Variants in ZKSCAN8 observed in about 807,000 individuals in gnomAD.
The protein encoded by ZKSCAN8 is zinc finger protein with KRAB and SCAN domains 8.
Under a neutral mutation model 57.2 loss-of-function variants are expected in ZKSCAN8, and 27 were observed. That is an observed-to-expected ratio of 0.47 (90% confidence interval 0.35 to 0.65). ZKSCAN8 has a LOEUF of 0.65. ZKSCAN8 is among the 30% of genes least tolerant of loss of function. ZKSCAN8 has a pLI of 0.01. For synonymous variants in ZKSCAN8, 214 were observed against 248.7 expected (o/e 0.86, Z 1.31); for missense variants, 597 against 696.3 (o/e 0.86, Z 1.60).
At chr6:28,150,852 G>C (rs1765568204) in intron 3 of ZKSCAN8, among the ~76,000 whole-genome samples, 1 of 152,010 alleles carries the variant, frequency 6.6e-6, no homozygotes, top group African/African-American at 2.4e-5. Context: ...TGTCATCCAG[G>C]CTGGAGTACA....
intron 1 of ZKSCAN8, among the ~76,000 whole-genome samples, chr6:28,147,831 G>C (rs1273705648): frequency 6.6e-6 from 1 of 152,186 alleles, no homozygotes; most frequent in Non-Finnish European, 1.5e-5. Flanking sequence ...GGAATGTTAG[G>C]TGGAGAAGAG....
In ZKSCAN8 at chr6:28,154,136, T is replaced by C. The variant is rs958768731; in HGVS notation, c.*119T>C. 4 of 1,422,090 alleles carry C rather than the reference T, an allele frequency of 2.8e-6. No individual in the cohort carries two copies. Among genetic ancestry groups the C allele is most frequent in the Admixed American group, 2.4e-5 (1 of 42,548 alleles). The allele number at this position is 1,422,090 out of a possible 1,614,324, so 88.1% of individuals were successfully genotyped here. ...ATCACAACTTTAGTGTCAGAATCTA[T>C]AGTGGTGGCAAAGTTAGGATAGCTC... On this transcript the variant is annotated 3_prime_UTR_variant, in exon 6 of 6. Coordinates refer to ENST00000330236, the MANE Select transcript of ZKSCAN8 (RefSeq NM_006298.4).
chr6:28,152,106 A>T (rs1039497589), intron 4 of ZKSCAN8, among the ~76,000 whole-genome samples, 155 bp from the exon 5 acceptor site: 4 of 152,230 alleles, frequency 2.6e-5, no homozygotes, highest in African/African-American at 9.6e-5. Flanking sequence ...AGTAAATCTC[A>T]TGCATTTTCC....
Position 28,149,518 on chromosome 6 carries a change from G to A in ZKSCAN8, c.453G>A (p.Trp151Ter), listed in dbSNP as rs1329535445. 2 of 1,613,974 alleles carry A rather than the reference G, an allele frequency of 1.2e-6. No homozygotes were observed. Among genetic ancestry groups the A allele is most frequent in the African/African-American group, 2.7e-5 (2 of 74,882 alleles). Residue 151 changes from tryptophan to a stop codon, truncating the protein, a stop_gained, in exon 3 of 6, where the codon TGG becomes TGA. Coordinates refer to ENST00000330236, the MANE Select transcript of ZKSCAN8 (RefSeq NM_006298.4). LOFTEE classifies it high-confidence loss of function. ...SARVHGHRVLWEEVVHSASAP... is the reference protein window; with the variant it reads ...SARVHGHRVL Reference sequence around the variant, plus strand: ...GCGTACATGGACATAGGGTACTCTGGGAGGAGGTAGTACATTCAGCATCTG... The same window carrying A: ...GCGTACATGGACATAGGGTACTCTGAGAGGAGGTAGTACATTCAGCATCTG...
chr6:28,142,204 C>T (rs1437163170), intron 1 of ZKSCAN8, 175 bp downstream of exon 1: 1 of 152,202 alleles, frequency 6.6e-6, no homozygotes, highest in Non-Finnish European at 1.5e-5. Flanking sequence ...CACGAATTGC[C>T]CTTGAACTTT....
intron 3 of ZKSCAN8, among the ~76,000 whole-genome samples, chr6:28,150,435 A>G (rs1468990468): frequency 2.0e-5 from 3 of 152,104 alleles, no homozygotes; most frequent in African/African-American, 7.2e-5. Context: ...AATTTGTCCT[A>G]TTATTGGTGG....
At chr6:28,150,781 TA>T (rs1459692527) in intron 3 of ZKSCAN8, among the ~76,000 whole-genome samples, 3 of 152,178 alleles carry the variant, frequency 2.0e-5, no homozygotes, top group Admixed American at 2.0e-4. Flanking sequence ...ATTTATTCCA[TA>T]AATATTCTGT....
At position 28,149,696 on chromosome 6, in the gene ZKSCAN8, G is replaced by A. The variant is rs935586220; in HGVS notation, c.559+72G>A. On this transcript the variant is annotated intron_variant, in intron 3 of 5. Coordinates refer to ENST00000330236, the MANE Select transcript of ZKSCAN8 (RefSeq NM_006298.4). ...AAAGTCCATTTGGGATACCTATCTA[G>A]TTCCTGAAGAACCAGGAACTAAAAT... The A allele has an allele frequency of 4.5e-5, 70 of 1,555,592 alleles. No individual in the cohort carries two copies. In the African/African-American group the frequency reaches 9.1e-4, roughly 20 times the overall value.
At position 28,153,164 on chromosome 6, in the gene ZKSCAN8, G is replaced by A. The variant is rs1448923230; in HGVS notation, c.884G>A (p.Arg295Lys). Residue 295 changes from arginine to lysine, a missense_variant, in exon 6 of 6, where the codon AGG becomes AAG. By Grantham distance (26) the Arg-to-Lys change is conservative. Coordinates refer to ENST00000330236, the MANE Select transcript of ZKSCAN8 (RefSeq NM_006298.4). Reference protein sequence around the residue: ...TAAKCNGDVIRGLEHEEARDL... With the variant: ...TAAKCNGDVIKGLEHEEARDL... ...GCCAAATGCAACGGGGATGTTATCA[G>A]GGGTCTTGAGCATGAAGAAGCCCGA... 1.9e-6 allele frequency: 3 copies of A among 1,614,104 alleles called. No individual in the cohort carries two copies. The highest frequency in any genetic ancestry group is 3.3e-5 in the Admixed American group (2 of 59,992).
chr6:28,149,372 C>T, intron 2 of ZKSCAN8, 111 bp from the exon 3 acceptor site: 2 of 1,363,022 alleles, frequency 1.5e-6, no homozygotes, highest in Non-Finnish European at 2.0e-6. Flanking sequence ...GAAGATTCTG[C>T]TGCTTCCTTC....
chr6:28,142,082 C>G (rs1204635784), intron 1 of ZKSCAN8, 53 bp downstream of exon 1: 1 of 152,332 alleles, frequency 6.6e-6, no homozygotes, highest in Non-Finnish European at 1.5e-5. Context: ...TGTGGCTGGT[C>G]CAGGCCGCAG....
Position 28,153,833 on chromosome 6 carries a change from A to T in ZKSCAN8, c.1553A>T (p.Tyr518Phe). 6.2e-7 allele frequency: 1 copy of T among 1,614,150 alleles called. No individual in the cohort carries two copies. Among genetic ancestry groups the T allele is most frequent in the Non-Finnish European group, 8.5e-7 (1 of 1,180,002 alleles). ...AGAATCCACACTGGAGAAAGACCCT[A>T]TAAATGTAAAGAATGTGGGAAAGCT... ...HQRIHTGERP[Y>F]KCKECGKAFN... Residue 518 changes from tyrosine to phenylalanine, a missense_variant, in exon 6 of 6, where the codon TAT becomes TTT. Transcript: ENST00000330236.
In ZKSCAN8 at chr6:28,153,750, C is replaced by G. The variant is rs1265704825; in HGVS notation, c.1470C>G (p.Tyr490Ter). The change falls in exon 6 of 6, where the codon TAC becomes TAG. Residue 490 changes from tyrosine (Y) to a stop codon, truncating the protein, a stop_gained. Transcript: ENST00000330236. LOFTEE classifies it high-confidence loss of function. ...GGAGCCACACTGGGGAGAAACCCTACAAATGCAATGAGTGTGGGAGGGCCT... is the reference window on the plus strand; with the variant it reads ...GGAGCCACACTGGGGAGAAACCCTAGAAATGCAATGAGTGTGGGAGGGCCT... ...HQRSHTGEKP[Y>*]KCNECGRAFS... is the part of the protein sequence containing the mutation. The G allele has an allele frequency of 1.9e-6, 3 of 1,613,612 alleles. No homozygotes were observed. The African/African-American group carries it at 4.0e-5, about 22-fold the overall frequency.
chr6:28,144,521 C>T lies in ZKSCAN8; in HGVS notation c.-93+2492C>T, dbSNP rs1765323970. 1.3e-5 allele frequency: 2 copies of T among 152,180 alleles called. No homozygotes were observed. The highest frequency in any genetic ancestry group is 2.9e-5 in the Non-Finnish European group (2 of 68,046). 9.4% of individuals were successfully genotyped at this position (152,180 alleles called of 1,614,324 possible). A position where few individuals can be genotyped will look rare whatever the true frequency, so the allele number is the denominator to read the frequency against. ...TCTTGATGTTAGCATCTCATGACAA[C>T]TGGTTTAGGGTATGCTACCTTTACT... On this transcript the variant is annotated intron_variant, in intron 1 of 5. Coordinates refer to ENST00000330236, the MANE Select transcript of ZKSCAN8 (RefSeq NM_006298.4). The surrounding 1 kb of genome is among the most constrained non-coding windows in gnomAD (Gnocchi z 4.5).
chr6:28,149,188 G>C (rs1187169062), intron 2 of ZKSCAN8, among the ~76,000 whole-genome samples: 5 of 152,120 alleles, frequency 3.3e-5, no homozygotes, highest in Admixed American at 6.5e-5. Flanking sequence ...GCATAGCACT[G>C]CTTTAAGTTT....
chr6:28,149,309 T>C (rs1355399374), intron 2 of ZKSCAN8, among the ~76,000 whole-genome samples, 174 bp from the exon 3 acceptor site: 1 of 152,212 alleles, frequency 6.6e-6, no homozygotes, highest in African/African-American at 2.4e-5. Flanking sequence ...AATGATGCCT[T>C]TCTTTCTGTG....
In ZKSCAN8 at chr6:28,153,209, A is replaced by C. The variant is rs1765656390; in HGVS notation, c.929A>C (p.Glu310Ala). Residue 310 changes from glutamate to alanine, a missense_variant, in exon 6 of 6, where the codon GAG becomes GCG. Coordinates refer to ENST00000330236, the MANE Select transcript of ZKSCAN8 (RefSeq NM_006298.4). ...EEARDLLGRL[E>A]RQRGNPTQER... ...GCCCGAGACCTTCTGGGCAGATTAG[A>C]GAGGCAGCGGGGAAATCCCACACAA... 6.2e-7 allele frequency: 1 copy of C among 1,614,070 alleles called. No individual in the cohort carries two copies. The highest frequency in any genetic ancestry group is 1.7e-5 in the Admixed American group (1 of 59,994).
Position 28,153,827 on chromosome 6 carries a change from G to T in ZKSCAN8, c.1547G>T (p.Arg516Ile). 1 of 1,613,998 alleles carries T rather than the reference G, an allele frequency of 6.2e-7. No individual in the cohort carries two copies. Among genetic ancestry groups the T allele is most frequent in the Non-Finnish European group, 8.5e-7 (1 of 1,179,982 alleles). ...CATCAGAGAATCCACACTGGAGAAA[G>T]ACCCTATAAATGTAAAGAATGTGGG... is the stretch of plus-strand genomic sequence containing the variant. ...IEHQRIHTGE[R>I]PYKCKECGKA... The change falls in exon 6 of 6, where the codon AGA becomes ATA. Residue 516 changes from arginine to isoleucine, a missense_variant. Coordinates refer to ENST00000330236, the MANE Select transcript of ZKSCAN8 (RefSeq NM_006298.4).
chr6:28,153,979 A>C lies in ZKSCAN8; in HGVS notation c.1699A>C (p.Ile567Leu). 1 of 1,608,146 alleles carries C rather than the reference A, an allele frequency of 6.2e-7. No individual in the cohort carries two copies. Among genetic ancestry groups the C allele is most frequent in the Non-Finnish European group, 8.5e-7 (1 of 1,177,800 alleles). The change falls in exon 6 of 6, where the codon ATC becomes CTC. Residue 567 changes from isoleucine to leucine, a missense_variant. Physicochemically the swap from Ile to Leu is conservative, Grantham distance 5. Transcript: ENST00000330236. ...QRSSLIRHQR[I>L]HSGEKSESIS... ...GTCAAGTCTCATTCGACATCAGAGA[A>C]TCCACAGTGGTGAAAAATCTGAATC...
Sources: gnomAD v4.1 joint callset for allele counts (sites outside exome capture counted in the v4.1 genomes callset) on GRCh38, gnomAD v4.1.1 for gene constraint, Gnocchi (gnomAD v3.1) non-coding constraint, MANE v1.5 for transcripts, NCBI Gene and HGNC (gene_info 2026-07-23, HGNC 2026-07-21) for gene names.